CELF2: variants seen among roughly 807,000 people sequenced by gnomAD.
CELF2 encodes the protein CUG triplet repeat RNA-binding protein 2.
Under a neutral mutation model 62.6 loss-of-function variants are expected in CELF2, and 8 were observed. The ratio of observed to expected loss-of-function variants is 0.13; its 90% confidence interval spans 0.07 to 0.23. The LOEUF (loss-of-function observed/expected upper bound fraction) is 0.23. Ranked by LOEUF, CELF2 falls within the 10% of genes least tolerant of loss-of-function variation. The pLI is 1.00. For missense variants in CELF2, 333 were observed against 671.0 expected (o/e 0.50, Z 5.56); for synonymous variants, 258 against 250.0 (o/e 1.03, Z -0.30).
In CELF2 at chr10:11,329,886, A is replaced by G. The variant is rs1297270630; in HGVS notation, c.*833A>G. ...TAAAAAAGAAAGCCACAGGCCTGTA[A>G]ATTTTATTTGTAAAAAAGCATTTCT... On this transcript the variant is annotated 3_prime_UTR_variant, in exon 13 of 13. Coordinates refer to ENST00000633077, the MANE Select transcript of CELF2 (RefSeq NM_001326342.2). The surrounding 1 kb of genome is among the most constrained non-coding windows in gnomAD (Gnocchi z 5.5). The G allele has an allele frequency of 6.6e-6, 1 of 152,526 alleles. No individual in the cohort carries two copies. The highest frequency in any genetic ancestry group is 1.9e-4 in the East Asian group (1 of 5,206). 9.4% of individuals were successfully genotyped at this position (152,526 alleles called of 1,614,324 possible).
intron 1 of CELF2, among the ~76,000 whole-genome samples, chr10:10,808,150 A>T (rs1252637764): frequency 1.3e-5 from 2 of 152,206 alleles, no homozygotes; most frequent in Admixed American, 1.3e-4. Context: ...CTGTGACATA[A>T]AACATGTTAA....
rs1473094805 is a variant in CELF2 at position 11,224,332 on chromosome 10, G to A, written c.354+6825G>A. ...AAAAGTGCCTTGTGTCATTGCTTGA[G>A]GGATACTGGTATCTCATTAGTATCT... On this transcript the variant is annotated intron_variant, in intron 3 of 12. Transcript: ENST00000633077. The surrounding 1 kb of genome is among the most constrained non-coding windows in gnomAD (Gnocchi z 4.5). 6.6e-6 allele frequency among the ~76,000 whole-genome samples: 1 copy of A among 152,176 alleles called. No homozygotes were observed. Among genetic ancestry groups the A allele is most frequent in the African/African-American group, 2.4e-5 (1 of 41,432 alleles).
the CELF2 span, among the ~76,000 whole-genome samples, chr10:10,717,412 C>T: frequency 1.3e-5 from 2 of 151,842 alleles, no homozygotes; most frequent in Admixed American, 6.6e-5. Flanking sequence ...AATACAGACA[C>T]CTAATCAAAA....
At chr10:10,734,820 G>T in the CELF2 span, among the ~76,000 whole-genome samples, 1 of 152,306 alleles carries the variant, frequency 6.6e-6, no homozygotes, top group East Asian at 1.9e-4. Context: ...CCCAGCCTCA[G>T]CACTGAAAGT....
chr10:11,040,629 T>G (rs1355254007), intron 1 of CELF2, among the ~76,000 whole-genome samples: 1 of 152,116 alleles, frequency 6.6e-6, no homozygotes, highest in Non-Finnish European at 1.5e-5. Context: ...TGCTTTTAAA[T>G]GCCTGCTTAT....
chr10:11,136,158 G>A (rs569070284), intron 1 of CELF2, among the ~76,000 whole-genome samples: 1 of 152,294 alleles, frequency 6.6e-6, no homozygotes, highest in South Asian at 2.1e-4. Flanking sequence ...GGAAACCTGG[G>A]ATGGAGATTT....
At chr10:10,477,602 C>T in the CELF2 span, among the ~76,000 whole-genome samples, 2 of 152,082 alleles carry the variant, frequency 1.3e-5, no homozygotes, top group Non-Finnish European at 2.9e-5. Flanking sequence ...AGGCCGAGTG[C>T]TGTTATGACC....
chr10:10,935,623 G>A (rs2066544391), intron 2 of CELF2, among the ~76,000 whole-genome samples: 3 of 152,118 alleles, frequency 2.0e-5, no homozygotes, highest in South Asian at 4.1e-4. Context: ...ACAAAGATAT[G>A]TTCCCATTTC....
chr10:11,329,119 G>C lies in CELF2; in HGVS notation c.*66G>C. ...TAGGGTAAGTCCCACGAGCCAGCCT[G>C]TCTCAACAGGGAAGGCAGAGGAGGA... On this transcript the variant is annotated 3_prime_UTR_variant, in exon 13 of 13. Transcript: ENST00000633077. The surrounding 1 kb of genome is among the most constrained non-coding windows in gnomAD (Gnocchi z 5.5). The C allele has an allele frequency of 6.6e-7, 1 of 1,509,162 alleles. No individual in the cohort carries two copies. Among genetic ancestry groups the C allele is most frequent in the Middle Eastern group, 1.8e-4 (1 of 5,522 alleles). 93.5% of individuals were successfully genotyped at this position (1,509,162 alleles called of 1,614,324 possible). A position where few individuals can be genotyped will look rare whatever the true frequency, so the allele number is the denominator to read the frequency against.
At chr10:10,495,187 A>G in the CELF2 span, among the ~76,000 whole-genome samples, 3 of 152,184 alleles carry the variant, frequency 2.0e-5, no homozygotes, top group Non-Finnish European at 4.4e-5. Context: ...AGGCTGAGGC[A>G]GGAGAATGGC....
chr10:11,228,208 G>A (rs2067267772), intron 3 of CELF2, among the ~76,000 whole-genome samples: 1 of 152,172 alleles, frequency 6.6e-6, no homozygotes, highest in African/African-American at 2.4e-5. Flanking sequence ...CAGAATTCAA[G>A]TAATTTTAAT....
chr10:11,265,227 G>T (rs1246414184), intron 5 of CELF2, among the ~76,000 whole-genome samples: 2 of 152,162 alleles, frequency 1.3e-5, no homozygotes, highest in African/African-American at 2.4e-5. Context: ...ATTCTATTTT[G>T]CTTATTGGCC....
chr10:10,493,694 G>A, the CELF2 span, among the ~76,000 whole-genome samples: 1 of 151,928 alleles, frequency 6.6e-6, no homozygotes, highest in Non-Finnish European at 1.5e-5. Flanking sequence ...ACTACATACA[G>A]CTAATTTTTG....
chr10:10,879,847 T>C (rs2061341362), intron 1 of CELF2, among the ~76,000 whole-genome samples: 1 of 152,136 alleles, frequency 6.6e-6, no homozygotes, highest in Admixed American at 6.6e-5. Context: ...CACCTGCCAC[T>C]CCCCACATAC....
At position 11,159,393 on chromosome 10, in the gene CELF2, A is replaced by G. The variant is rs549747865; in HGVS notation, c.75-6093A>G. Among the ~76,000 whole-genome samples, 4 of 152,370 alleles carry G rather than the reference A, an allele frequency of 2.6e-5. No individual in the cohort carries two copies. Among genetic ancestry groups the G allele is most frequent in the African/African-American group, 9.6e-5 (4 of 41,578 alleles). ...GTCATGGAAGACAGACGCGTTTTTC[A>G]TGATGACTGTGAAGCAGTGCATTTT... On this transcript the variant is annotated intron_variant, in intron 1 of 12. Coordinates refer to ENST00000633077, the MANE Select transcript of CELF2 (RefSeq NM_001326342.2). This position sits in a 1 kb window ranked among gnomAD's most constrained non-coding sequence, Gnocchi z 5.0.
chr10:11,008,073 C>T lies in CELF2; in HGVS notation c.53+2633C>T, dbSNP rs2055635161. On this transcript the variant is annotated intron_variant, in intron 1 of 12. Coordinates refer to the CELF2 transcript ENST00000416382. The surrounding 1 kb of genome is among the most constrained non-coding windows in gnomAD (Gnocchi z 4.5). The stretch of plus-strand genomic sequence containing the variant: ...CTGATAGGGACGGTGTGAGGTTGCC[C>T]GAAGCTGGCAAACTTGTCTACATCT... 2.0e-5 allele frequency among the ~76,000 whole-genome samples: 3 copies of T among 152,024 alleles called. No homozygotes were observed. The highest frequency in any genetic ancestry group is 2.0e-4 in the Admixed American group (3 of 15,264).
At chr10:10,819,262 GA>G (rs1423914171) in intron 1 of CELF2, among the ~76,000 whole-genome samples, 6 of 152,126 alleles carry the variant, frequency 3.9e-5, no homozygotes. Flanking sequence ...TAATTAAAAA[GA>G]TAACATTTAA....
chr10:10,526,727 G>A, the CELF2 span, among the ~76,000 whole-genome samples: 12 of 152,192 alleles, frequency 7.9e-5, no homozygotes, highest in Admixed American at 7.8e-4. Context: ...ACAAATGGAT[G>A]ATCTTCAAAA....
chr10:10,546,052 C>G, the CELF2 span, among the ~76,000 whole-genome samples: 1 of 152,124 alleles, frequency 6.6e-6, no homozygotes, highest in Non-Finnish European at 1.5e-5. Flanking sequence ...TAGGACGACG[C>G]TGACAACAAT....
Sources: allele counts gnomAD v4.1 joint callset (sites outside exome capture counted in the v4.1 genomes callset), GRCh38; gene constraint gnomAD v4.1.1; non-coding constraint Gnocchi (gnomAD v3.1); transcripts MANE v1.5; gene names NCBI Gene and HGNC (gene_info 2026-07-23, HGNC 2026-07-21).